The following CADM2 variants were observed in gnomAD, a reference collection of about 807,000 sequenced individuals.
CADM2 encodes the protein cell adhesion molecule 2.
In CADM2, 12 loss-of-function variants were observed where a neutral mutation model predicts 49.8. The ratio of observed to expected loss-of-function variants is 0.24; its 90% CI spans 0.15 to 0.39. The LOEUF is 0.39. Among genes scored for constraint, CADM2 ranks in the 10% least tolerant of loss-of-function variants. The pLI, the probability that CADM2 is intolerant of heterozygous loss-of-function variation, is 1.00. For missense variants in CADM2, 378 were observed against 492.3 expected, an observed-to-expected ratio of 0.77 and a Z score of 2.20; for synonymous variants, 214 against 175.4, an observed-to-expected ratio of 1.22 and a Z score of -1.74.
chr3:85,714,758 T>C (rs530514102), intron 1 of CADM2, among the ~76,000 whole-genome samples: 7 of 152,192 alleles, frequency 4.6e-5, no homozygotes, highest in Non-Finnish European at 1.0e-4. Flanking sequence ...TTGACCTTAT[T>C]CTGCTTCTTT....
intron 1 of CADM2, among the ~76,000 whole-genome samples, chr3:85,291,002 G>A (rs866801457): frequency 1.3e-5 from 2 of 152,168 alleles, no homozygotes; most frequent in Non-Finnish European, 2.9e-5. Flanking sequence ...GCTATGGGAG[G>A]ACATTCAAAC....
At chr3:85,574,023 A>G (rs1304962033) in intron 1 of CADM2, among the ~76,000 whole-genome samples, 3 of 152,216 alleles carry the variant, frequency 2.0e-5, no homozygotes, top group Non-Finnish European at 4.4e-5. Context: ...TGTATCCATG[A>G]GACATTTCAT....
chr3:85,690,226 A>G (rs999878450), intron 1 of CADM2, among the ~76,000 whole-genome samples: 1 of 152,178 alleles, frequency 6.6e-6, no homozygotes, highest in African/African-American at 2.4e-5. Context: ...ATTCAGATCA[A>G]ATGGAGTAGC....
At chr3:85,686,101 A>G (rs1390294212) in intron 1 of CADM2, among the ~76,000 whole-genome samples, 2 of 152,242 alleles carry the variant, frequency 1.3e-5, no homozygotes, top group African/African-American at 2.4e-5. Flanking sequence ...CATGATGTAT[A>G]CAGGCAGCTG....
chr3:85,218,290 T>A (rs1393760636), intron 1 of CADM2, among the ~76,000 whole-genome samples: 2 of 152,068 alleles, frequency 1.3e-5, no homozygotes. Context: ...AATAAAAAAA[T>A]CCAAACTCCC....
intron 1 of CADM2, among the ~76,000 whole-genome samples, chr3:85,293,857 C>T (rs1010306063): frequency 3.3e-5 from 5 of 150,200 alleles, no homozygotes; most frequent in Non-Finnish European, 7.4e-5. Flanking sequence ...AAACTGGAAG[C>T]ATTCCCTTTG....
chr3:86,013,982 A>G (rs2106939035), intron 8 of CADM2: 1 of 1,481,370 alleles, frequency 6.8e-7, no homozygotes, highest in Middle Eastern at 2.5e-4. Context: ...CTGTTGCATT[A>G]GGAACAATTG....
chr3:85,173,617 A>G (rs749380352), intron 1 of CADM2, among the ~76,000 whole-genome samples: 18 of 152,328 alleles, frequency 1.2e-4, no homozygotes, highest in Admixed American at 2.6e-4. Context: ...CCACAAATAT[A>G]AAGATGACAG....
At chr3:85,308,425 A>G (rs1177561717) in intron 1 of CADM2, among the ~76,000 whole-genome samples, 1 of 151,840 alleles carries the variant, frequency 6.6e-6, no homozygotes, top group African/African-American at 2.4e-5. Flanking sequence ...AGTACTGAAC[A>G]ATAGGAATTT....
intron 1 of CADM2, among the ~76,000 whole-genome samples, chr3:85,387,784 T>G (rs561140874): frequency 6.6e-6 from 1 of 152,294 alleles, no homozygotes; most frequent in Non-Finnish European, 1.5e-5. Flanking sequence ...ACGATTACAT[T>G]TCTTAGTAAT....
rs199898486 is a variant in CADM2, at chr3:85,106,710, C to T, written c.61+147042C>T. On this transcript the variant is annotated intron_variant, in intron 1 of 9. Coordinates refer to ENST00000383699, the MANE Select transcript of CADM2 (RefSeq NM_001167675.2). ...CAAGTACGGGGAAACGTAGCCTTGCCTGATCAGGGAAAATGTGATGGCAGT... is the reference window on the plus strand; with the variant it reads ...CAAGTACGGGGAAACGTAGCCTTGCTTGATCAGGGAAAATGTGATGGCAGT... Among the ~76,000 whole-genome samples, 75 of 150,998 alleles carry T rather than the reference C, an allele frequency of 5.0e-4. 1 individual carries two copies. In the East Asian group the frequency reaches 0.013, roughly 25 times the overall value.
At chr3:86,020,474 C>T (rs1277996287) in intron 8 of CADM2, among the ~76,000 whole-genome samples, 2 of 151,890 alleles carry the variant, frequency 1.3e-5, no homozygotes, top group African/African-American at 4.8e-5. Context: ...GGAATCCTCC[C>T]TAACTCATTT....
chr3:85,987,504 AAAAC>A lies in CADM2; in HGVS notation c.970+25860_970+25863del, dbSNP rs1385869139. On this transcript the variant is annotated intron_variant, in intron 8 of 9. Transcript: ENST00000383699. ...ATCTAACAGTATATATGTTTTCTGA[AAAAC>A]AATCCCTAAGAAAGAAAAAAAGTTC... is the stretch of plus-strand genomic sequence containing the variant. Among the ~76,000 whole-genome samples the A allele has an allele frequency of 4.6e-5, 7 of 150,570 alleles. No homozygotes were observed. The Admixed American group carries it at 4.7e-4, about 10-fold the overall frequency.
At chr3:85,208,590 C>T (rs2041706558) in intron 1 of CADM2, among the ~76,000 whole-genome samples, 1 of 151,978 alleles carries the variant, frequency 6.6e-6, no homozygotes, top group African/African-American at 2.4e-5. Flanking sequence ...CAGGAGAAGA[C>T]AAATCTACAT....
chr3:85,518,864 T>G (rs975426560), intron 1 of CADM2, among the ~76,000 whole-genome samples: 1 of 152,188 alleles, frequency 6.6e-6, no homozygotes, highest in African/African-American at 2.4e-5. Flanking sequence ...AAAGATTTTT[T>G]TCTTATAAAA....
At chr3:85,330,165 A>T (rs768990078) in intron 1 of CADM2, among the ~76,000 whole-genome samples, 31 of 152,162 alleles carry the variant, frequency 2.0e-4, no homozygotes, top group Non-Finnish European at 3.5e-4. Flanking sequence ...CTAGAGTCAC[A>T]AGAGTCTCCT....
intron 1 of CADM2, among the ~76,000 whole-genome samples, chr3:85,011,655 T>G (rs915135107): frequency 1.2e-4 from 19 of 152,214 alleles, no homozygotes; most frequent in African/African-American, 4.3e-4. Flanking sequence ...TAAAACCTTT[T>G]GGGGGCCAAC....
intron 1 of CADM2, among the ~76,000 whole-genome samples, chr3:85,570,973 A>G (rs1347129255): frequency 6.6e-6 from 1 of 152,196 alleles, no homozygotes; most frequent in Admixed American, 6.5e-5. Context: ...TATAAGAATA[A>G]CAAAATGTTA....
chr3:85,104,311 T>C (rs1473402889), intron 1 of CADM2, among the ~76,000 whole-genome samples: 1 of 151,670 alleles, frequency 6.6e-6, no homozygotes, highest in Non-Finnish European at 1.5e-5. Context: ...GGGAATCCTT[T>C]CCCCATTGCT....
Sources: gnomAD v4.1 joint callset for allele counts (sites outside exome capture counted in the v4.1 genomes callset) on GRCh38, gnomAD v4.1.1 for gene constraint, MANE v1.5 for transcripts, NCBI Gene and HGNC (gene_info 2026-07-23, HGNC 2026-07-21) for gene names.